Variants in ARHGAP26 observed in about 807,000 individuals in gnomAD.
The protein encoded by ARHGAP26 is rho GTPase-activating protein 26.
A neutral mutation model predicts 104.8 loss-of-function variants in ARHGAP26; 38 were observed. The ratio of observed to expected loss-of-function variants is 0.36; its 90% CI spans 0.28 to 0.48. The LOEUF is 0.48. Ranked by LOEUF, ARHGAP26 falls within the 20% of genes least tolerant of loss-of-function variation. The pLI, the probability that ARHGAP26 is intolerant of heterozygous loss-of-function variation, is 0.99. For missense variants in ARHGAP26, 704 were observed against 947.9 expected (o/e 0.74, Z 3.38); for synonymous variants, 341 against 340.0 (o/e 1.00, Z -0.03).
intron 17 of ARHGAP26, among the ~76,000 whole-genome samples, chr5:143,095,049 AAGG>A (rs2150563063): frequency 6.6e-6 from 1 of 152,244 alleles, no homozygotes; most frequent in Admixed American, 6.5e-5. Flanking sequence ...AATTCTGTGA[AAGG>A]AAATTGTACC....
rs967174225 is a variant in ARHGAP26, at chr5:143,014,154, T to C, written c.1144+38T>C. 5.6e-6 allele frequency: 9 copies of C among 1,612,060 alleles called. No homozygotes were observed. In the African/African-American group the frequency reaches 9.4e-5, roughly 17 times the overall value. On this transcript the variant is annotated intron_variant, in intron 12 of 22. Coordinates refer to ENST00000645722, the MANE Select transcript of ARHGAP26 (RefSeq NM_001135608.3). ...CTTGGGTAACCTTCTACAGCCAGGG[T>C]TGGGAGTAGGCTTTGAGAAGTTGCT...
intron 20 of ARHGAP26, among the ~76,000 whole-genome samples, chr5:143,165,613 G>A (rs911701594): frequency 2.6e-5 from 4 of 152,086 alleles, no homozygotes; most frequent in Non-Finnish European, 5.9e-5. Flanking sequence ...GGTTTGTTAC[G>A]TGGGTATATT....
rs989365937 is a variant in ARHGAP26, at chr5:143,222,432, G to T, written c.2266G>T (p.Val756Leu). The part of the protein sequence containing the change: ...GKTGLIPENY[V>L]EFL ...GACTGGCCTCATCCCTGAGAATTAC[G>T]TGGAGTTCCTCTAACCGTGGGCCCC... Residue 756 changes from valine to leucine, a missense_variant, in exon 23 of 23, where the codon GTG (valine) becomes TTG (leucine). Around this residue, in one of 6 missense-constraint regions of ARHGAP26, gnomAD observed 217 missense variants for 242.6 expected, o/e 0.89. Coordinates refer to ENST00000645722, the MANE Select transcript of ARHGAP26 (RefSeq NM_001135608.3). The T allele has an allele frequency of 2.5e-6, 4 of 1,597,812 alleles. No individual in the cohort carries two copies. The East Asian group carries it at 6.7e-5, about 27-fold the overall frequency.
chr5:142,935,428 A>G (rs1765275005), intron 11 of ARHGAP26, among the ~76,000 whole-genome samples: 1 of 152,232 alleles, frequency 6.6e-6, no homozygotes, highest in African/African-American at 2.4e-5. Context: ...GTGGCTAAAA[A>G]GCTGCCATGG....
intron 17 of ARHGAP26, among the ~76,000 whole-genome samples, chr5:143,088,723 C>T (rs1220548567): frequency 2.6e-5 from 4 of 152,202 alleles, no homozygotes; most frequent in Non-Finnish European, 5.9e-5. Context: ...TGAGCGCACA[C>T]TTTGGCAAGG....
intron 1 of ARHGAP26, among the ~76,000 whole-genome samples, chr5:142,869,370 G>A (rs932079853): frequency 6.8e-6 from 1 of 146,804 alleles, no homozygotes; most frequent in Non-Finnish European, 1.5e-5. Context: ...AGTACACCCG[G>A]CTATTTTATT....
intron 19 of ARHGAP26, among the ~76,000 whole-genome samples, chr5:143,139,556 T>C (rs913106828): frequency 2.6e-5 from 4 of 152,186 alleles, no homozygotes; most frequent in South Asian, 2.1e-4. Flanking sequence ...TTGAACCATA[T>C]TGAATGGGTA....
At chr5:143,041,584 GA>G (rs1225778545) in intron 13 of ARHGAP26, 1 of 436,672 alleles carries the variant, frequency 2.3e-6, no homozygotes, top group Admixed American at 3.6e-5. Context: ...GCTGATGACT[GA>G]ACTAACATGA....
intron 14 of ARHGAP26, among the ~76,000 whole-genome samples, chr5:143,053,108 C>T (rs144018050): frequency 6.6e-6 from 1 of 152,282 alleles, no homozygotes; most frequent in Admixed American, 6.5e-5. Flanking sequence ...GACTTTCAGG[C>T]TCTGTGTGGT....
At chr5:143,005,447 A>C (rs1438725) in intron 11 of ARHGAP26, among the ~76,000 whole-genome samples, 4,208 of 152,344 alleles carry the variant, frequency 0.028, 83 homozygotes, top group Middle Eastern at 0.054. Flanking sequence ...AGTAGGATGC[A>C]TAGTCTGGAT....
At chr5:142,869,991 A>G (rs1385935782) in intron 1 of ARHGAP26, among the ~76,000 whole-genome samples, 1 of 152,212 alleles carries the variant, frequency 6.6e-6, no homozygotes, top group Non-Finnish European at 1.5e-5. Context: ...GAAAGCAGAT[A>G]CTTGGCCTCC....
chr5:142,932,428 A>G (rs1258986500), intron 11 of ARHGAP26, among the ~76,000 whole-genome samples: 1 of 152,152 alleles, frequency 6.6e-6, no homozygotes, highest in Non-Finnish European at 1.5e-5. Flanking sequence ...CTCCCCTTAT[A>G]AGCAGCGGGA....
At chr5:142,985,512 CT>C (rs894777131) in intron 11 of ARHGAP26, among the ~76,000 whole-genome samples, 87 of 147,064 alleles carry the variant, frequency 5.9e-4, no homozygotes, top group Admixed American at 5.5e-4. Context: ...CACTTTTTAT[CT>C]TTTTTTTTTT....
At position 142,900,313 on chromosome 5, in the gene ARHGAP26, T is replaced by TAACA. The variant is rs1438532950; in HGVS notation, c.598-1622_598-1621insAACA. ...TCAGTCTCTAGTGACTCCATGGGGC[T>TAACA]TACCACTCATTCACGGATTTATGTT... On this transcript the variant is annotated intron_variant, in intron 6 of 22. Coordinates refer to ENST00000645722, the MANE Select transcript of ARHGAP26 (RefSeq NM_001135608.3). Among the ~76,000 whole-genome samples the TAACA allele has an allele frequency of 7.7e-3, 1,176 of 152,292 alleles. 14 individuals are homozygous for TAACA. The highest frequency in any genetic ancestry group is 0.027 in the African/African-American group (1,120 of 41,554).
intron 11 of ARHGAP26, among the ~76,000 whole-genome samples, chr5:142,952,631 TATTTACTCTTTGGGAGATC>T (rs2152617615): frequency 6.6e-6 from 1 of 152,330 alleles, no homozygotes; most frequent in South Asian, 2.1e-4. Context: ...AAGGTACTTA[TATTTACTCTTTGGGAGATC>T]AGTCATCCCA....
At chr5:143,205,543 G>A (rs1465497311) in intron 20 of ARHGAP26, among the ~76,000 whole-genome samples, 1 of 152,202 alleles carries the variant, frequency 6.6e-6, no homozygotes, top group Non-Finnish European at 1.5e-5. Context: ...TGAATCAGTG[G>A]TTAAGAAGAA....
intron 1 of ARHGAP26, among the ~76,000 whole-genome samples, chr5:142,860,993 C>G (rs1372193444): frequency 6.6e-6 from 1 of 152,186 alleles, no homozygotes; most frequent in Non-Finnish European, 1.5e-5. Flanking sequence ...CTTGCAACAC[C>G]TATTGCAAGC....
chr5:142,805,627 G>T (rs1180622526), intron 1 of ARHGAP26, among the ~76,000 whole-genome samples: 1 of 152,116 alleles, frequency 6.6e-6, no homozygotes, highest in Non-Finnish European at 1.5e-5. Flanking sequence ...TTTATATGAA[G>T]GCCCAAAAGT....
chr5:143,092,552 C>A (rs58436709), intron 17 of ARHGAP26, among the ~76,000 whole-genome samples: 4 of 152,048 alleles, frequency 2.6e-5, no homozygotes, highest in African/African-American at 4.8e-5. Flanking sequence ...CTCCCCCCCC[C>A]ACCTTTTTTT....
Sources: allele counts gnomAD v4.1 joint callset (sites outside exome capture counted in the v4.1 genomes callset), GRCh38; gene constraint gnomAD v4.1.1; regional missense constraint gnomAD v4.1.1; transcripts MANE v1.5; gene names NCBI Gene and HGNC (gene_info 2026-07-23, HGNC 2026-07-21).